PRKCH: variants seen among roughly 807,000 people sequenced by gnomAD.
The protein encoded by PRKCH is protein kinase C eta type.
A neutral mutation model predicts 82.5 loss-of-function variants in PRKCH; 28 were observed. That is an observed-to-expected ratio of 0.34 (90% CI 0.25 to 0.47). The LOEUF is 0.47. PRKCH is among the 20% of genes least tolerant of loss of function. The probability of loss-of-function intolerance (pLI) is 1.00; values close to 1 mark genes in which losing one functional copy is unlikely to be tolerated. For missense variants in PRKCH, 705 were observed against 881.8 expected (o/e 0.80, Z 2.54); for synonymous variants, 322 against 327.4 (o/e 0.98, Z 0.18).
intron 1 of PRKCH, among the ~76,000 whole-genome samples, chr14:61,345,380 C>A (rs1475287): frequency 0.13 from 19,551 of 152,142 alleles, 1,771 homozygotes; most frequent in African/African-American, 0.26. Flanking sequence ...AAACAACTAC[C>A]ACAAAATTGT....
intron 1 of PRKCH, among the ~76,000 whole-genome samples, chr14:61,301,923 A>G (rs764378769): frequency 1.3e-5 from 2 of 152,206 alleles, no homozygotes; most frequent in African/African-American, 4.8e-5. Context: ...AAAGTTTATG[A>G]TATAGAATTT....
chr14:61,192,018 T>TTGTGTGTGTG (rs67540297), intron 1 of PRKCH, among the ~76,000 whole-genome samples: 32 of 148,722 alleles, frequency 2.2e-4, no homozygotes, highest in African/African-American at 6.4e-4. Context: ...TCCTAAAACA[T>TTGTGTGTGTG]TGTGTGTGTG....
intron 9 of PRKCH, among the ~76,000 whole-genome samples, chr14:61,463,719 G>A (rs1885131470): frequency 1.3e-5 from 2 of 151,716 alleles, no homozygotes; most frequent in Admixed American, 6.6e-5. Context: ...ATATTTTTTT[G>A]GTCAACATCT....
chr14:61,529,610 A>G (rs1278446226), intron 11 of PRKCH, among the ~76,000 whole-genome samples: 1 of 151,570 alleles, frequency 6.6e-6, no homozygotes, highest in Non-Finnish European at 1.5e-5. Context: ...TTGTAGGGAC[A>G]TGGATGAAAT....
In PRKCH at chr14:61,252,178, A is replaced by G. The variant is rs535902823; in HGVS notation, c.-19+64510A>G. Among the ~76,000 whole-genome samples the G allele has an allele frequency of 3.3e-5, 5 of 152,144 alleles. No homozygotes were observed. In the South Asian group the frequency reaches 8.3e-4, roughly 25 times the overall value. On this transcript the variant is annotated intron_variant, in intron 1 of 3. Coordinates refer to the PRKCH transcript ENST00000555185. ...AACATGTCTTTTTTGATCCAGCTCC[A>G]TCCTCACCAGATTGCTTCCCTCAGT...
intron 1 of PRKCH, among the ~76,000 whole-genome samples, chr14:61,220,280 C>G (rs2044645712): frequency 6.6e-6 from 1 of 152,316 alleles, no homozygotes; most frequent in East Asian, 1.9e-4. Flanking sequence ...AGCAGGTGTA[C>G]ACCCAAGAGG....
chr14:61,376,686 C>A (rs1281511117), intron 1 of PRKCH, among the ~76,000 whole-genome samples: 3 of 151,368 alleles, frequency 2.0e-5, no homozygotes, highest in Admixed American at 2.0e-4. Context: ...TTCTGCCCAG[C>A]ACCTCCAGCC....
intron 9 of PRKCH, among the ~76,000 whole-genome samples, chr14:61,462,444 G>A (rs922106462): frequency 6.6e-6 from 1 of 152,170 alleles, no homozygotes; most frequent in Non-Finnish European, 1.5e-5. Context: ...TGAGATAGAG[G>A]TATACAATTT....
chr14:61,240,369 G>A (rs545572283), intron 1 of PRKCH, among the ~76,000 whole-genome samples: 2 of 152,184 alleles, frequency 1.3e-5, no homozygotes, highest in African/African-American at 4.8e-5. Flanking sequence ...AACCAGCTGT[G>A]TCATTCATGT....
At chr14:61,476,718 C>G (rs1212483314) in intron 9 of PRKCH, among the ~76,000 whole-genome samples, 1 of 152,148 alleles carries the variant, frequency 6.6e-6, no homozygotes, top group Non-Finnish European at 1.5e-5. Context: ...AGTCCTAAGG[C>G]TTTGTTATAT....
chr14:61,213,543 C>T (rs2044597394), intron 1 of PRKCH, among the ~76,000 whole-genome samples: 1 of 152,154 alleles, frequency 6.6e-6, no homozygotes, highest in Non-Finnish European at 1.5e-5. Flanking sequence ...TCATGGCCAT[C>T]AAAAGCTGTT....
At chr14:61,231,498 G>T (rs992724608) in intron 1 of PRKCH, among the ~76,000 whole-genome samples, 1 of 151,910 alleles carries the variant, frequency 6.6e-6, no homozygotes, top group African/African-American at 2.4e-5. Context: ...GAGTAGCTGG[G>T]ACTATAGGCA....
chr14:61,425,152 G>C (rs1157311871), intron 2 of PRKCH, among the ~76,000 whole-genome samples: 1 of 152,232 alleles, frequency 6.6e-6, no homozygotes, highest in East Asian at 1.9e-4. Context: ...GAAAGTGAGG[G>C]GTTGGAGCCC....
At chr14:61,309,868 G>A (rs951750351) in intron 1 of PRKCH, among the ~76,000 whole-genome samples, 3 of 152,162 alleles carry the variant, frequency 2.0e-5, no homozygotes, top group African/African-American at 7.2e-5. Context: ...AGTTCCATAT[G>A]TCTGAGGAGG....
At chr14:61,536,437 C>T (rs1443119759) in intron 12 of PRKCH, among the ~76,000 whole-genome samples, 1 of 152,132 alleles carries the variant, frequency 6.6e-6, no homozygotes, top group African/African-American at 2.4e-5. Flanking sequence ...GCCCTTTCCC[C>T]CTGAGAGGCA....
At chr14:61,317,150 GT>G (rs1274822190), upstream of PRKCH, among the ~76,000 whole-genome samples, 5 of 152,212 alleles carry the variant, frequency 3.3e-5, no homozygotes, top group African/African-American at 1.2e-4. Context: ...CTTTTGCCAT[GT>G]CTTGGGTGTC....
At chr14:61,224,752 G>A (rs1358626201) in intron 1 of PRKCH, among the ~76,000 whole-genome samples, 3 of 152,152 alleles carry the variant, frequency 2.0e-5, no homozygotes, top group Admixed American at 1.3e-4. Context: ...TGTCTGCCAG[G>A]TTTCTCCATC....
At chr14:61,382,461 A>AC (rs2046526003) in intron 1 of PRKCH, among the ~76,000 whole-genome samples, 1 of 152,062 alleles carries the variant, frequency 6.6e-6, no homozygotes, top group African/African-American at 2.4e-5. Flanking sequence ...ACAAAAAAAA[A>AC]CAAGAAAAAC....
chr14:61,199,084 T>A (rs981686652), intron 1 of PRKCH, among the ~76,000 whole-genome samples: 6 of 152,128 alleles, frequency 3.9e-5, no homozygotes, highest in African/African-American at 1.4e-4. Flanking sequence ...GGGAAAGAAA[T>A]GTGTCTAACT....
Sources: allele counts gnomAD v4.1 joint callset (sites outside exome capture counted in the v4.1 genomes callset), GRCh38; gene constraint gnomAD v4.1.1; transcripts MANE v1.5; gene names NCBI Gene and HGNC (gene_info 2026-07-23, HGNC 2026-07-21).